Variants in CDH13 observed in about 807,000 individuals in gnomAD.
The protein encoded by CDH13 is cadherin-13.
In CDH13, 24 loss-of-function variants were observed where a neutral mutation model predicts 63.8. That is an observed-to-expected ratio of 0.38 (90% confidence interval 0.27 to 0.53). The LOEUF is 0.53. CDH13 is among the 20% of genes least tolerant of loss of function. The probability of loss-of-function intolerance (pLI) is 0.85; values close to 1 mark genes in which losing one functional copy is unlikely to be tolerated. For synonymous variants in CDH13, 503 were observed against 355.3 expected (o/e 1.42, Z -4.67); for missense variants, 1,049 against 903.1 (o/e 1.16, Z -2.07).
intron 8 of CDH13, among the ~76,000 whole-genome samples, chr16:83,648,974 C>G (rs1184152725): frequency 6.6e-6 from 1 of 152,242 alleles, no homozygotes; most frequent in Non-Finnish European, 1.5e-5. Context: ...ACTATGCTAT[C>G]TGGCAATTCC....
intron 7 of CDH13, among the ~76,000 whole-genome samples, chr16:83,489,711 T>C (rs568934545): frequency 1.6e-4 from 24 of 152,288 alleles, no homozygotes; most frequent in South Asian, 1.0e-3. Context: ...GTTTGTGAGA[T>C]TTTATTATTA....
chr16:83,497,076 G>C (rs1054101198), intron 7 of CDH13, among the ~76,000 whole-genome samples: 2 of 152,204 alleles, frequency 1.3e-5, no homozygotes, highest in African/African-American at 4.8e-5. Context: ...CTGTAAAGTA[G>C]TTCAACCATT....
At chr16:83,450,982 G>A (rs1430374337) in intron 6 of CDH13, among the ~76,000 whole-genome samples, 2 of 152,170 alleles carry the variant, frequency 1.3e-5, no homozygotes, top group African/African-American at 4.8e-5. Context: ...TGGCTGAGCC[G>A]CACCCCCAGA....
chr16:82,997,855 A>G (rs1490154411), intron 2 of CDH13, among the ~76,000 whole-genome samples: 3 of 152,238 alleles, frequency 2.0e-5, no homozygotes, highest in Non-Finnish European at 4.4e-5. Flanking sequence ...ATTAACTACC[A>G]GTTGCAGCTC....
intron 3 of CDH13, among the ~76,000 whole-genome samples, chr16:83,109,506 C>T (rs1359725819): frequency 1.3e-5 from 2 of 152,118 alleles, no homozygotes; most frequent in African/African-American, 4.8e-5. Context: ...ATGTGTCAAA[C>T]CCCTAATAAA....
intron 1 of CDH13, among the ~76,000 whole-genome samples, chr16:82,801,868 C>T (rs928738018): frequency 3.9e-5 from 6 of 152,088 alleles, no homozygotes; most frequent in Non-Finnish European, 7.4e-5. Flanking sequence ...GATTTTGTTC[C>T]CAAACACTCA....
chr16:82,727,535 C>G (rs1260464545), intron 1 of CDH13: 2 of 152,138 alleles, frequency 1.3e-5, no homozygotes, highest in Admixed American at 6.5e-5. Flanking sequence ...AGTTAAGGAT[C>G]AACTTTGGCT....
At chr16:82,955,177 G>C (rs1391357596) in intron 2 of CDH13, among the ~76,000 whole-genome samples, 4 of 152,102 alleles carry the variant, frequency 2.6e-5, no homozygotes, top group South Asian at 4.1e-4. Context: ...TTAACCTTTT[G>C]AGGAACTGCC....
chr16:83,667,733 C>T (rs1249389839), intron 8 of CDH13, among the ~76,000 whole-genome samples: 1 of 152,180 alleles, frequency 6.6e-6, no homozygotes, highest in Non-Finnish European at 1.5e-5. Context: ...TCATAGCTCA[C>T]TGCAGCCTCA....
intron 2 of CDH13, among the ~76,000 whole-genome samples, chr16:82,987,655 G>T (rs941342532): frequency 1.3e-5 from 2 of 152,308 alleles, no homozygotes; most frequent in South Asian, 4.1e-4. Flanking sequence ...AGGATTACAG[G>T]CATGAGCCAC....
At chr16:82,977,491 G>C (rs895924715) in intron 2 of CDH13, among the ~76,000 whole-genome samples, 1 of 152,194 alleles carries the variant, frequency 6.6e-6, no homozygotes, top group African/African-American at 2.4e-5. Flanking sequence ...CACGAGATGT[G>C]ATGGTTTTAT....
At chr16:83,604,264 C>A (rs1396710221) in intron 8 of CDH13, among the ~76,000 whole-genome samples, 1 of 152,134 alleles carries the variant, frequency 6.6e-6, no homozygotes, top group Admixed American at 6.6e-5. Context: ...TGATTTGCTC[C>A]ATTCTCTGAC....
intron 2 of CDH13, among the ~76,000 whole-genome samples, chr16:82,925,378 A>G (rs549480365): frequency 1.3e-5 from 2 of 152,316 alleles, no homozygotes; most frequent in East Asian, 3.9e-4. Context: ...CCACCCACTG[A>G]TCAGGAAAAG....
intron 6 of CDH13, among the ~76,000 whole-genome samples, chr16:83,431,740 A>G (rs1183098578): frequency 6.6e-6 from 1 of 152,048 alleles, no homozygotes; most frequent in Non-Finnish European, 1.5e-5. Flanking sequence ...ATAAGAACTC[A>G]CTCTCATGAG....
chr16:82,889,257 G>A (rs1383209310), intron 2 of CDH13, among the ~76,000 whole-genome samples: 1 of 151,794 alleles, frequency 6.6e-6, no homozygotes, highest in Non-Finnish European at 1.5e-5. Flanking sequence ...GTTAACTGTA[G>A]CACTCTTGAT....
intron 7 of CDH13, among the ~76,000 whole-genome samples, chr16:83,562,773 G>GA (rs1174439695): frequency 6.6e-6 from 1 of 152,160 alleles, no homozygotes. Context: ...AGAATATCAA[G>GA]AAATAAATCA....
intron 7 of CDH13, among the ~76,000 whole-genome samples, chr16:83,526,219 C>T (rs985330275): frequency 6.6e-6 from 1 of 152,074 alleles, no homozygotes; most frequent in South Asian, 2.1e-4. Context: ...TTTGTGGGGG[C>T]GGTGGTGGTT....
intron 2 of CDH13, among the ~76,000 whole-genome samples, chr16:82,900,182 A>G (rs2041415240): frequency 6.6e-6 from 1 of 152,206 alleles, no homozygotes; most frequent in African/African-American, 2.4e-5. Context: ...TTTAGATCAC[A>G]TCTTTATTCC....
intron 1 of CDH13, among the ~76,000 whole-genome samples, chr16:82,757,204 C>G (rs1567504153): frequency 6.6e-6 from 1 of 152,186 alleles, no homozygotes; most frequent in Non-Finnish European, 1.5e-5. Context: ...AAGGCAGGGA[C>G]CACTTTTCAC....
Sources: gnomAD v4.1 joint callset for allele counts (sites outside exome capture counted in the v4.1 genomes callset) on GRCh38, gnomAD v4.1.1 for gene constraint, MANE v1.5 for transcripts, NCBI Gene and HGNC (gene_info 2026-07-23, HGNC 2026-07-21) for gene names.